The following NEK10 variants were observed in gnomAD, a reference collection of about 807,000 sequenced individuals.
NEK10 encodes the protein serine/threonine-protein kinase Nek10.
A neutral mutation model predicts 159.8 loss-of-function variants in NEK10; 122 were observed. The observed-to-expected ratio is 0.76, with a 90% CI of 0.66 to 0.89. NEK10 has a LOEUF of 0.89. Ranked by LOEUF, NEK10 falls within the 40% of genes least tolerant of loss-of-function variation. The pLI is 0.00. For synonymous variants in NEK10, 466 were observed against 457.1 expected (o/e 1.02, Z -0.25); for missense variants, 1,342 against 1,323.1 (o/e 1.01, Z -0.22).
chr3:27,286,775 C>A (rs1372838055), intron 20 of NEK10, among the ~76,000 whole-genome samples: 1 of 151,954 alleles, frequency 6.6e-6, no homozygotes, highest in Non-Finnish European at 1.5e-5. Context: ...CATTTCAGTA[C>A]AAGTCTGAAG....
intron 32 of NEK10, among the ~76,000 whole-genome samples, chr3:27,130,947 C>T (rs746188481): frequency 2.9e-4 from 44 of 152,162 alleles, no homozygotes; most frequent in Middle Eastern, 3.4e-3. Flanking sequence ...GTGTCTTTTT[C>T]CCCCATCTGT....
rs192015866 is a variant in NEK10, at chr3:27,179,361, C to A, written c.2506-4528G>T. 1.3e-3 allele frequency among the ~76,000 whole-genome samples: 204 copies of A among 152,164 alleles called. 1 individual carries two copies. The highest frequency in any genetic ancestry group is 2.3e-3 in the Admixed American group (35 of 15,280). ...CATTATTATACTATCTTAATTAGAA[C>A]GTCTTAAAAGCACTATTACATATTA... is the stretch of plus-strand genomic sequence containing the variant. On this transcript the variant is annotated intron_variant, in intron 26 of 35. Coordinates refer to ENST00000691995, the MANE Select transcript of NEK10 (RefSeq NM_001394966.1).
intron 1 of NEK10, among the ~76,000 whole-genome samples, chr3:27,364,209 T>C (rs751836756): frequency 2.0e-5 from 3 of 151,926 alleles, no homozygotes; most frequent in Admixed American, 6.6e-5. Context: ...AGTTTTGCTC[T>C]TGTCACCCAG....
At chr3:27,360,580 C>T (rs991586715) in intron 1 of NEK10, among the ~76,000 whole-genome samples, 1 of 152,178 alleles carries the variant, frequency 6.6e-6, no homozygotes, top group Non-Finnish European at 1.5e-5. Flanking sequence ...TCATGGAAAA[C>T]TCTAAGGCAG....
At chr3:27,134,751 C>A (rs923831713) in intron 31 of NEK10, among the ~76,000 whole-genome samples, 27 of 152,134 alleles carry the variant, frequency 1.8e-4, no homozygotes, top group African/African-American at 6.5e-4. Context: ...CAATGGACAG[C>A]ACCCCATCTT....
At chr3:27,145,140 A>AC (rs1231569493) in intron 30 of NEK10, among the ~76,000 whole-genome samples, 1 of 152,092 alleles carries the variant, frequency 6.6e-6, no homozygotes. Flanking sequence ...TCACCAAAAA[A>AC]AAAAAGCAGC....
chr3:27,126,320 G>T (rs1941939604), intron 32 of NEK10, among the ~76,000 whole-genome samples: 1 of 152,124 alleles, frequency 6.6e-6, no homozygotes, highest in Non-Finnish European at 1.5e-5. Flanking sequence ...AAATGTTACT[G>T]GGTTTTGTCT....
intron 32 of NEK10, among the ~76,000 whole-genome samples, chr3:27,121,815 C>A (rs571485617): frequency 9.3e-4 from 142 of 152,106 alleles, no homozygotes; most frequent in African/African-American, 3.2e-3. Flanking sequence ...TGTGGCCGTA[C>A]AAAGGGGTCT....
intron 14 of NEK10, 69 bp downstream of exon 14, chr3:27,297,110 G>C (rs1421917714): frequency 2.1e-6 from 2 of 946,506 alleles, no homozygotes; most frequent in Non-Finnish European, 3.5e-6. Flanking sequence ...CTGGGATACA[G>C]ACTGCACCAC....
In NEK10 at chr3:27,257,840, G is replaced by A. The variant is rs191073394; in HGVS notation, c.2015-1469C>T. On this transcript the variant is annotated intron_variant, in intron 22 of 35. Coordinates refer to ENST00000691995, the MANE Select transcript of NEK10 (RefSeq NM_001394966.1). ...GTCTCACTCTGTCACCTAGTCTGGA[G>A]TGCAGTGGCGCAATCTCGGCTTACT... is the stretch of plus-strand genomic sequence containing the variant. 5.1e-3 allele frequency among the ~76,000 whole-genome samples: 751 copies of A among 146,766 alleles called. 7 individuals carry two copies. The highest frequency in any genetic ancestry group is 0.018 in the African/African-American group (719 of 39,234).
rs577096650 is a variant in NEK10 at position 27,135,740 on chromosome 3, G to C, written c.2971-3750C>G. ...TGCTAAAACAGAATGTTCAAAGACT[G>C]TTATCAAACTAAATACACAAAACAT... On this transcript the variant is annotated intron_variant, in intron 31 of 35. Transcript: ENST00000691995. 3.5e-4 allele frequency among the ~76,000 whole-genome samples: 53 copies of C among 152,312 alleles called. 1 individual carries two copies. The South Asian group carries it at 0.011, about 31-fold the overall frequency.
At chr3:27,175,896 C>G (rs910228496) in intron 26 of NEK10, among the ~76,000 whole-genome samples, 3 of 152,194 alleles carry the variant, frequency 2.0e-5, no homozygotes, top group African/African-American at 7.2e-5. Flanking sequence ...AATTACCTAG[C>G]ACTTCTTGAC....
intron 23 of NEK10, among the ~76,000 whole-genome samples, chr3:27,227,284 G>A (rs1952736842): frequency 6.6e-6 from 1 of 152,190 alleles, no homozygotes; most frequent in Non-Finnish European, 1.5e-5. Flanking sequence ...CAGGACCATG[G>A]AAGCAGAGTC....
rs769739326 is a variant in NEK10, at chr3:27,174,676, T to C, written c.2663A>G (p.Asn888Ser). 6.2e-7 allele frequency: 1 copy of C among 1,611,612 alleles called. No individual in the cohort carries two copies. The change falls in exon 27 of 36, where the codon AAC becomes AGC. Residue 888 changes from asparagine (N) to serine (S), a missense_variant. Physicochemically the swap from Asn to Ser is conservative, Grantham distance 46. Coordinates refer to ENST00000691995, the MANE Select transcript of NEK10 (RefSeq NM_001394966.1). ...TTTCTCAGCATTTTCCAGGTTGAAG[T>C]TATCATCTGACAGGATTTCGTCACA... Reference protein sequence around the residue: ...RACDEILSDDNFNLENAEKDT... With the variant: ...RACDEILSDDSFNLENAEKDT...
At chr3:27,367,505 C>T (rs190835969) in intron 1 of NEK10, 2 of 152,282 alleles carry the variant, frequency 1.3e-5, no homozygotes, top group East Asian at 1.9e-4. Context: ...CCTTTTATAA[C>T]ATTTTTTCAA....
At chr3:27,258,424 T>A (rs887492985) in intron 22 of NEK10, among the ~76,000 whole-genome samples, 4 of 138,354 alleles carry the variant, frequency 2.9e-5, no homozygotes, top group South Asian at 2.4e-4. Flanking sequence ...CCTGAGTCCA[T>A]GTGTTCTCAT....
At chr3:27,173,614 A>G (rs776163173) in intron 28 of NEK10, among the ~76,000 whole-genome samples, 8 of 152,172 alleles carry the variant, frequency 5.3e-5, no homozygotes, top group Non-Finnish European at 1.2e-4. Flanking sequence ...TTAGGGTTCT[A>G]CTTTGATCCT....
chr3:27,119,637 C>T (rs1303965592), intron 33 of NEK10, 123 bp downstream of exon 33: 3 of 691,502 alleles, frequency 4.3e-6, no homozygotes, highest in Non-Finnish European at 4.9e-6. Flanking sequence ...CCAACTATTG[C>T]TATAAATAAT....
chr3:27,302,902 G>A (rs1307714863), intron 12 of NEK10, among the ~76,000 whole-genome samples: 1 of 152,142 alleles, frequency 6.6e-6, no homozygotes, highest in Admixed American at 6.5e-5. Flanking sequence ...ACCTGATCAA[G>A]AGAGCCCTTT....
Sources: allele counts gnomAD v4.1 joint callset (sites outside exome capture counted in the v4.1 genomes callset), GRCh38; gene constraint gnomAD v4.1.1; transcripts MANE v1.5; gene names NCBI Gene and HGNC (gene_info 2026-07-23, HGNC 2026-07-21).